The following PARD3B variants were observed in gnomAD, a reference collection of about 807,000 sequenced individuals.
The protein encoded by PARD3B is partitioning defective 3 homolog B.
A neutral mutation model predicts 130.2 loss-of-function variants in PARD3B; 103 were observed. The ratio of observed to expected loss-of-function variants is 0.79; its 90% confidence interval spans 0.67 to 0.93. PARD3B has a LOEUF of 0.93. Ranked by LOEUF, PARD3B falls within the 40% of genes least tolerant of loss-of-function variation. The pLI is 0.00. For synonymous variants in PARD3B, 583 were observed against 553.2 expected, an observed-to-expected ratio of 1.05 and a Z score of -0.76; for missense variants, 1,609 against 1,499.2, an observed-to-expected ratio of 1.07 and a Z score of -1.21.
At chr2:204,807,000 G>A (rs186769111) in intron 2 of PARD3B, among the ~76,000 whole-genome samples, 19 of 152,216 alleles carry the variant, frequency 1.2e-4, no homozygotes, top group African/African-American at 4.6e-4. Flanking sequence ...TATATGTCTG[G>A]GGAGGCTTCA....
chr2:205,493,606 C>T (rs758899385), intron 20 of PARD3B, among the ~76,000 whole-genome samples: 22 of 152,128 alleles, frequency 1.4e-4, no homozygotes, highest in South Asian at 2.1e-4. Context: ...GTTGTTGACA[C>T]GCATACATCC....
chr2:205,457,351 CCT>C (rs1559112471), intron 20 of PARD3B, among the ~76,000 whole-genome samples: 2 of 151,778 alleles, frequency 1.3e-5, no homozygotes, highest in Non-Finnish European at 2.9e-5. Context: ...GTAGTGATAT[CCT>C]CTGTTTCATT....
At chr2:205,002,799 G>A (rs768552575) in intron 3 of PARD3B, among the ~76,000 whole-genome samples, 11 of 152,248 alleles carry the variant, frequency 7.2e-5, no homozygotes, top group African/African-American at 2.2e-4. Flanking sequence ...TACAATGGGC[G>A]GATTATTTTT....
At chr2:205,013,730 A>G (rs1001323841) in intron 3 of PARD3B, among the ~76,000 whole-genome samples, 7 of 152,206 alleles carry the variant, frequency 4.6e-5, no homozygotes, top group African/African-American at 1.7e-4. Flanking sequence ...CAGCATCTGC[A>G]GGTCTGTGGT....
intron 11 of PARD3B, among the ~76,000 whole-genome samples, chr2:205,159,466 T>A (rs1016266367): frequency 6.6e-6 from 1 of 152,168 alleles, no homozygotes; most frequent in Non-Finnish European, 1.5e-5. Context: ...TTCAGTCCTT[T>A]CACGTTGAGG....
At chr2:204,925,262 CAAG>C (rs1383983759) in intron 2 of PARD3B, among the ~76,000 whole-genome samples, 1 of 151,976 alleles carries the variant, frequency 6.6e-6, no homozygotes, top group Non-Finnish European at 1.5e-5. Flanking sequence ...GCTTGAGACT[CAAG>C]GAGGAATTTT....
intron 15 of PARD3B, among the ~76,000 whole-genome samples, chr2:205,217,842 A>G (rs55778648): frequency 0.58 from 50,605 of 87,578 alleles, 13,789 homozygotes; most frequent in Admixed American, 0.66. Context: ...ATATGTGTGT[A>G]TATGTGTGTG....
At chr2:204,996,851 C>T (rs1375492255) in intron 3 of PARD3B, among the ~76,000 whole-genome samples, 3 of 147,246 alleles carry the variant, frequency 2.0e-5, no homozygotes, top group Admixed American at 1.4e-4. Flanking sequence ...TTTCCAGGTG[C>T]GTCCGTCACC....
intron 2 of PARD3B, among the ~76,000 whole-genome samples, chr2:204,952,870 G>A (rs758850685): frequency 7.9e-5 from 12 of 151,648 alleles, no homozygotes; most frequent in Admixed American, 5.3e-4. Flanking sequence ...GGTGGTGGGC[G>A]CTTGTAGTCC....
chr2:204,753,805 C>T (rs2040558194), intron 2 of PARD3B, among the ~76,000 whole-genome samples: 3 of 152,094 alleles, frequency 2.0e-5, no homozygotes, highest in Admixed American at 2.0e-4. Context: ...GTAATCCTAG[C>T]ACTCTGGGAG....
Position 204,907,535 on chromosome 2 carries a change from G to A in PARD3B, c.223-57617G>A, listed in dbSNP as rs1482428960. The stretch of plus-strand genomic sequence containing the variant: ...TCAGGGAATTTCACTGTGTCACTCT[G>A]GGTGGTAATGCAAGGCACATTGGGG... On this transcript the variant is annotated intron_variant, in intron 2 of 22. Coordinates refer to ENST00000406610, the MANE Select transcript of PARD3B (RefSeq NM_001302769.2). This position sits in a 1 kb window ranked among gnomAD's most constrained non-coding sequence, Gnocchi z 5.7. Among the ~76,000 whole-genome samples the A allele has an allele frequency of 1.3e-5, 2 of 152,156 alleles. No homozygotes were observed. The highest frequency in any genetic ancestry group is 1.3e-4 in the Admixed American group (2 of 15,284).
At chr2:204,917,890 A>T (rs562959322) in intron 2 of PARD3B, among the ~76,000 whole-genome samples, 1 of 152,278 alleles carries the variant, frequency 6.6e-6, no homozygotes, top group Admixed American at 6.5e-5. Flanking sequence ...GTAATAGTAA[A>T]AGTGATTGTA....
rs550786447 is a variant in PARD3B at position 205,499,814 on chromosome 2, A to G, written c.3045-82A>G. The G allele has an allele frequency of 2.9e-5, 40 of 1,368,138 alleles. No individual in the cohort carries two copies. The East Asian group carries it at 7.4e-4, about 25-fold the overall frequency. The allele number at this position is 1,368,138 out of a possible 1,614,324, so 84.7% of individuals were successfully genotyped here. Reference sequence around the variant, plus strand: ...TTGAATCTTCCAAATTTAGATGTCAACTCCTTTAACAAGAAGATCCAAAAG... The same window carrying G: ...TTGAATCTTCCAAATTTAGATGTCAGCTCCTTTAACAAGAAGATCCAAAAG... On this transcript the variant is annotated intron_variant, in intron 20 of 22. Coordinates refer to ENST00000406610, the MANE Select transcript of PARD3B (RefSeq NM_001302769.2).
chr2:204,686,154 A>G, intron 1 of PARD3B, 27 bp from the exon 2 acceptor site: 1 of 1,475,958 alleles, frequency 6.8e-7, no homozygotes, highest in South Asian at 1.1e-5. Context: ...AGATTAGGTC[A>G]TTAAACTTGT....
At chr2:205,310,629 G>A (rs967955569) in intron 18 of PARD3B, among the ~76,000 whole-genome samples, 1 of 150,864 alleles carries the variant, frequency 6.6e-6, no homozygotes, top group African/African-American at 2.4e-5. Flanking sequence ...CTTACATAAT[G>A]TCCCCCAGGT....
At chr2:205,277,953 G>C (rs1266125288) in intron 16 of PARD3B, among the ~76,000 whole-genome samples, 1 of 152,068 alleles carries the variant, frequency 6.6e-6, no homozygotes, top group Non-Finnish European at 1.5e-5. Context: ...CCACATTTGG[G>C]GGAAGGAGAA....
chr2:205,043,357 G>T (rs561349849), intron 3 of PARD3B, among the ~76,000 whole-genome samples: 5 of 152,038 alleles, frequency 3.3e-5, no homozygotes, highest in African/African-American at 1.2e-4. Context: ...ACAGTTCCAT[G>T]TCCTATGCAT....
intron 2 of PARD3B, among the ~76,000 whole-genome samples, chr2:204,865,106 C>G (rs2045355697): frequency 2.0e-5 from 3 of 151,604 alleles, no homozygotes; most frequent in Non-Finnish European, 4.4e-5. Flanking sequence ...GCAAGAACGG[C>G]CATAATAAAA....
chr2:205,294,605 T>C (rs2041723367), intron 16 of PARD3B, among the ~76,000 whole-genome samples: 1 of 152,204 alleles, frequency 6.6e-6, no homozygotes, highest in African/African-American at 2.4e-5. Flanking sequence ...ATATTTTCTC[T>C]GGATAGTTTC....
Sources: allele counts gnomAD v4.1 joint callset (sites outside exome capture counted in the v4.1 genomes callset), GRCh38; gene constraint gnomAD v4.1.1; non-coding constraint Gnocchi (gnomAD v3.1); transcripts MANE v1.5; gene names NCBI Gene and HGNC (gene_info 2026-07-23, HGNC 2026-07-21).